The following MAGI2 variants were observed in gnomAD, a reference collection of about 807,000 sequenced individuals.
MAGI2 encodes the protein membrane-associated guanylate kinase, WW and PDZ domain-containing protein 2.
MAGI2 carries 35 observed loss-of-function variants against 133.3 expected under a neutral mutation model. That is an observed-to-expected ratio of 0.26 (90% CI 0.20 to 0.35). The LOEUF (loss-of-function observed/expected upper bound fraction) is 0.35. Among genes scored for constraint, MAGI2 ranks in the 10% least tolerant of loss-of-function variants. The pLI, the probability that MAGI2 is intolerant of heterozygous loss-of-function variation, is 1.00. For missense variants in MAGI2, 1,636 were observed against 1,863.4 expected (o/e 0.88, Z 2.25); for synonymous variants, 729 against 710.6 (o/e 1.03, Z -0.41).
At chr7:78,641,012 C>T (rs1810241829) in intron 2 of MAGI2, among the ~76,000 whole-genome samples, 1 of 150,588 alleles carries the variant, frequency 6.6e-6, no homozygotes, top group Non-Finnish European at 1.5e-5. Context: ...GATGAGTTCT[C>T]ATGAGATCTG....
chr7:79,353,908 C>G (rs1407148190), intron 1 of MAGI2: 1 of 164,836 alleles, frequency 6.1e-6, no homozygotes, highest in African/African-American at 2.4e-5. Flanking sequence ...CTGCTGGGTG[C>G]TACGGTGCTG....
rs529188357 is a variant in MAGI2, at chr7:78,235,589, A to G, written c.2047+20354T>C. On this transcript the variant is annotated intron_variant, in intron 10 of 21. Transcript: ENST00000354212. ...CTTGGCACTTCTCTCTCCTGCTGCC[A>G]TGTGAAGAAGGACATGTTTGCTCCC... Among the ~76,000 whole-genome samples, 3 of 152,266 alleles carry G rather than the reference A, an allele frequency of 2.0e-5. No individual in the cohort carries two copies. The East Asian group carries it at 5.8e-4, about 29-fold the overall frequency.
chr7:78,120,540 C>T (rs1240226747), intron 20 of MAGI2, among the ~76,000 whole-genome samples: 1 of 152,172 alleles, frequency 6.6e-6, no homozygotes, highest in Non-Finnish European at 1.5e-5. Context: ...AAACTCAACA[C>T]TCATTAAAAG....
chr7:78,556,230 C>A (rs976096238), intron 3 of MAGI2, among the ~76,000 whole-genome samples: 1 of 152,154 alleles, frequency 6.6e-6, no homozygotes, highest in Non-Finnish European at 1.5e-5. Flanking sequence ...GATTGAATGA[C>A]TTACAGGGGT....
chr7:79,142,340 C>G (rs1822216557), intron 1 of MAGI2, among the ~76,000 whole-genome samples: 1 of 152,166 alleles, frequency 6.6e-6, no homozygotes, highest in Non-Finnish European at 1.5e-5. Flanking sequence ...CTTTACTCCA[C>G]CAACACCTGA....
chr7:79,360,736 T>C (rs1842328101), intron 1 of MAGI2, among the ~76,000 whole-genome samples: 1 of 151,864 alleles, frequency 6.6e-6, no homozygotes, highest in Non-Finnish European at 1.5e-5. Flanking sequence ...TATAAATAAA[T>C]TGAGATTATA....
chr7:78,088,890 A>G (rs547727771), intron 20 of MAGI2, among the ~76,000 whole-genome samples: 97 of 152,360 alleles, frequency 6.4e-4, no homozygotes, highest in African/African-American at 2.1e-3. Flanking sequence ...ACGATTATCC[A>G]GGATTGTTTG....
chr7:79,311,634 A>T (rs1042729558), intron 1 of MAGI2, among the ~76,000 whole-genome samples: 3 of 152,022 alleles, frequency 2.0e-5, no homozygotes, highest in Non-Finnish European at 2.9e-5. Context: ...TTTACGTACC[A>T]TCTACAAGCA....
chr7:79,426,788 T>C (rs1847400772), intron 1 of MAGI2, among the ~76,000 whole-genome samples: 1 of 152,180 alleles, frequency 6.6e-6, no homozygotes, highest in African/African-American at 2.4e-5. Context: ...ATCAGGAGTT[T>C]ACATGAGTGA....
At chr7:78,501,435 C>A in intron 5 of MAGI2, 142 bp downstream of exon 5, 1 of 693,012 alleles carries the variant, frequency 1.4e-6, no homozygotes. Flanking sequence ...CACTATCCCA[C>A]TATTCTCTCA....
At chr7:78,514,060 C>A (rs112836530) in intron 4 of MAGI2, among the ~76,000 whole-genome samples, 2,100 of 130,770 alleles carry the variant, frequency 0.016, 53 homozygotes, top group African/African-American at 0.059. Context: ...TACACTCCAG[C>A]CTGGGCAACA....
chr7:79,177,925 T>C (rs1260111277), intron 1 of MAGI2, among the ~76,000 whole-genome samples: 1 of 152,108 alleles, frequency 6.6e-6, no homozygotes, highest in Non-Finnish European at 1.5e-5. Flanking sequence ...ATTCAGGTTA[T>C]CAGTACTTCA....
At chr7:78,560,203 T>C (rs1800262677) in intron 3 of MAGI2, among the ~76,000 whole-genome samples, 1 of 152,170 alleles carries the variant, frequency 6.6e-6, no homozygotes, top group African/African-American at 2.4e-5. Flanking sequence ...GACAGAGATA[T>C]TAAAATCAGC....
chr7:78,054,415 C>T (rs867590793), intron 21 of MAGI2, among the ~76,000 whole-genome samples: 13 of 150,622 alleles, frequency 8.6e-5, no homozygotes, highest in Non-Finnish European at 1.6e-4. Flanking sequence ...TGAGACACTG[C>T]GCCTGGCCTA....
chr7:78,906,843 T>C (rs1798028674), intron 2 of MAGI2, among the ~76,000 whole-genome samples: 1 of 152,150 alleles, frequency 6.6e-6, no homozygotes, highest in Non-Finnish European at 1.5e-5. Flanking sequence ...CATATATGAA[T>C]GCATATCTAT....
chr7:78,272,630 C>T (rs537392727), intron 9 of MAGI2, among the ~76,000 whole-genome samples: 41 of 152,144 alleles, frequency 2.7e-4, no homozygotes, highest in East Asian at 5.8e-4. Context: ...GCTCCTGTAT[C>T]GGGTGCACAT....
At chr7:78,261,242 C>A (rs1007296485) in intron 9 of MAGI2, among the ~76,000 whole-genome samples, 1 of 152,150 alleles carries the variant, frequency 6.6e-6, no homozygotes, top group East Asian at 1.9e-4. Context: ...TATTGTGAAG[C>A]TGGTATCTTT....
rs1355924869 is a variant in MAGI2 at position 78,292,188 on chromosome 7, T to C, written c.1409-35607A>G. On this transcript the variant is annotated intron_variant, in intron 9 of 21. Transcript: ENST00000354212. The stretch of plus-strand genomic sequence containing the variant: ...TGATTGTATACTTAGAAAACCCCAT[T>C]GTCTCAGCCCAAAACCTCCTTAAGC... Among the ~76,000 whole-genome samples, 6 of 152,256 alleles carry C rather than the reference T, an allele frequency of 3.9e-5. No individual in the cohort carries two copies. The East Asian group carries it at 1.2e-3, about 29-fold the overall frequency.
At chr7:78,104,789 C>A (rs957836671) in intron 20 of MAGI2, among the ~76,000 whole-genome samples, 1 of 152,186 alleles carries the variant, frequency 6.6e-6, no homozygotes, top group Non-Finnish European at 1.5e-5. Context: ...ATCTCCCACT[C>A]CCACCTCCTT....
Sources: gnomAD v4.1 joint callset for allele counts (sites outside exome capture counted in the v4.1 genomes callset) on GRCh38, gnomAD v4.1.1 for gene constraint, MANE v1.5 for transcripts, NCBI Gene and HGNC (gene_info 2026-07-23, HGNC 2026-07-21) for gene names.